Variants in KIAA1217 observed in about 807,000 individuals in gnomAD.
KIAA1217 encodes sickle tail protein homolog.
A neutral mutation model predicts 163.9 loss-of-function variants in KIAA1217; 88 were observed. The ratio of observed to expected loss-of-function variants is 0.54; its 90% CI spans 0.45 to 0.64. The LOEUF is 0.64. Among genes scored for constraint, KIAA1217 ranks in the 30% least tolerant of loss-of-function variants. KIAA1217 has a pLI of 0.00. For synonymous variants in KIAA1217, 903 were observed against 923.1 expected, an observed-to-expected ratio of 0.98 and a Z score of 0.39; for missense variants, 2,372 against 2,475.0, an observed-to-expected ratio of 0.96 and a Z score of 0.88.
At chr10:24,433,305 TTTTTTTGTTTTTTG>T (rs199518984) in intron 4 of KIAA1217, 112 bp downstream of exon 4, 87 of 729,706 alleles carry the variant, frequency 1.2e-4, no homozygotes, top group East Asian at 4.3e-4. Context: ...ATTTAGAGTG[TTTTTTTGTTTTTTG>T]TTTTTTGTTT....
In KIAA1217 at chr10:24,306,593, C is replaced by T. The variant is rs75900944; in HGVS notation, c.355-74276C>T. On this transcript the variant is annotated intron_variant, in intron 2 of 20. Transcript: ENST00000376454. Reference sequence around the variant, plus strand: ...CTTGCGGGCAGCTGTCTTTCTGGAGCGGGAGTTATTCTCTGAAGCCATAGA... The same window carrying T: ...CTTGCGGGCAGCTGTCTTTCTGGAGTGGGAGTTATTCTCTGAAGCCATAGA... Among the ~76,000 whole-genome samples, 1,481 of 152,214 alleles carry T rather than the reference C, an allele frequency of 9.7e-3. 30 individuals are homozygous for T. Among genetic ancestry groups the T allele is most frequent in the East Asian group, 0.082 (424 of 5,174 alleles).
At chr10:24,239,224 G>C in intron 2 of KIAA1217, 1 of 985,328 alleles carries the variant, frequency 1.0e-6, no homozygotes, top group Admixed American at 6.1e-5. Context: ...ATGGAGGGGG[G>C]TTTTACCTGA....
At chr10:24,500,457 G>A (rs1460808534) in intron 8 of KIAA1217, among the ~76,000 whole-genome samples, 1 of 151,694 alleles carries the variant, frequency 6.6e-6, no homozygotes, top group African/African-American at 2.4e-5. Context: ...TCTACTCCAG[G>A]TACCTGTATC....
At chr10:24,301,993 C>T (rs755502998) in intron 2 of KIAA1217, among the ~76,000 whole-genome samples, 2 of 152,188 alleles carry the variant, frequency 1.3e-5, no homozygotes. Flanking sequence ...TGCAGTGAGC[C>T]GAGATCACGC....
chr10:24,034,028 A>AG (rs1848293733), intron 2 of KIAA1217, among the ~76,000 whole-genome samples: 1 of 152,256 alleles, frequency 6.6e-6, no homozygotes, highest in Non-Finnish European at 1.5e-5. Context: ...GCCAGGATGA[A>AG]GTAGGACATT....
intron 6 of KIAA1217, chr10:24,481,565 A>C (rs1390576863): frequency 6.6e-6 from 1 of 152,192 alleles, no homozygotes; most frequent in Admixed American, 6.5e-5. Flanking sequence ...CCTTGAAAAC[A>C]ATGAGGAACG....
At chr10:23,957,767 T>C (rs913542494) in intron 1 of KIAA1217, among the ~76,000 whole-genome samples, 1 of 152,058 alleles carries the variant, frequency 6.6e-6, no homozygotes, top group Non-Finnish European at 1.5e-5. Flanking sequence ...TCCTTTCTCC[T>C]CCCTCCTCCC....
At chr10:23,823,925 GA>G (rs959168675) in intron 1 of KIAA1217, among the ~76,000 whole-genome samples, 11 of 151,840 alleles carry the variant, frequency 7.2e-5, no homozygotes, top group East Asian at 3.9e-4. Flanking sequence ...AGGAAGAAGA[GA>G]GGGGGGGAAA....
At chr10:23,972,888 A>G (rs1469906362) in intron 1 of KIAA1217, among the ~76,000 whole-genome samples, 1 of 152,168 alleles carries the variant, frequency 6.6e-6, no homozygotes. Flanking sequence ...GTTCTCACTC[A>G]TAAGTGGGAG....
Position 24,528,001 on chromosome 10 carries a change from G to A in KIAA1217, c.2964G>A (p.Glu988=), listed in dbSNP as rs2072465195. The A allele has an allele frequency of 2.5e-6, 4 of 1,614,052 alleles. No homozygotes were observed. Among genetic ancestry groups the A allele is most frequent in the Non-Finnish European group, 3.4e-6 (4 of 1,179,958 alleles). Residue 988 remains glutamate, a synonymous_variant, in exon 14 of 21, where the codon GAG becomes GAA. Transcript: ENST00000376454. ...NLDHYNGKEF[E]KLLEEAQANI... is the part of the protein sequence containing the mutation. Reference sequence around the variant, plus strand: ...ATCACTATAATGGGAAAGAGTTTGAGAAGCTCCTAGAAGAAGCTCAGGCCA... The same window carrying A: ...ATCACTATAATGGGAAAGAGTTTGAAAAGCTCCTAGAAGAAGCTCAGGCCA...
At position 24,545,107 on chromosome 10, in the gene KIAA1217, G is replaced by A. The variant is rs1311431699; in HGVS notation, c.5334+4G>A. ...GGATCCCCGCCAATATCGTCAGGTAGTTTTACCTTAAACCCACTTTTGGAT... is the reference window on the plus strand; with the variant it reads ...GGATCCCCGCCAATATCGTCAGGTAATTTTACCTTAAACCCACTTTTGGAT... On this transcript the variant is annotated splice_donor_region_variant and intron_variant, in intron 20 of 20. Coordinates refer to ENST00000376454, the MANE Select transcript of KIAA1217 (RefSeq NM_019590.5). 7.4e-6 allele frequency: 12 copies of A among 1,614,062 alleles called. No individual in the cohort carries two copies. The highest frequency in any genetic ancestry group is 1.0e-5 in the Non-Finnish European group (12 of 1,180,002).
chr10:24,211,024 A>G (rs539390137), intron 1 of KIAA1217, among the ~76,000 whole-genome samples: 1 of 152,256 alleles, frequency 6.6e-6, no homozygotes, highest in East Asian at 1.9e-4. Flanking sequence ...ATTTATGTAA[A>G]GTGCACATTT....
chr10:23,749,121 T>C (rs1333154821), intron 1 of KIAA1217, among the ~76,000 whole-genome samples: 2 of 152,100 alleles, frequency 1.3e-5, no homozygotes, highest in Non-Finnish European at 2.9e-5. Context: ...TGACTTCAAT[T>C]CCTCACCACG....
intron 1 of KIAA1217, among the ~76,000 whole-genome samples, chr10:24,003,278 A>C (rs994083168): frequency 6.6e-6 from 1 of 152,226 alleles, no homozygotes; most frequent in South Asian, 2.1e-4. Flanking sequence ...CACTAGCAGC[A>C]TAAAAGTGTC....
intron 2 of KIAA1217, among the ~76,000 whole-genome samples, chr10:24,037,198 G>A (rs1848429959): frequency 6.6e-6 from 1 of 152,158 alleles, no homozygotes; most frequent in South Asian, 2.1e-4. Flanking sequence ...CAGCCCAGTG[G>A]CTCACGCCTA....
intron 9 of KIAA1217, among the ~76,000 whole-genome samples, chr10:24,511,378 C>T (rs570302605): frequency 2.0e-5 from 3 of 152,176 alleles, no homozygotes; most frequent in East Asian, 1.9e-4. Context: ...CACGGTGGCT[C>T]ATGCCTGTAA....
intron 1 of KIAA1217, among the ~76,000 whole-genome samples, chr10:23,905,745 A>G (rs1178091702): frequency 6.6e-6 from 1 of 152,144 alleles, no homozygotes. Context: ...TAGTATCATT[A>G]CCACCATCCC....
At position 24,035,017 on chromosome 10, in the gene KIAA1217, G is replaced by A. The variant is rs559799989; in HGVS notation, c.-171+27643G>A. On this transcript the variant is annotated intron_variant, in intron 2 of 18. Transcript: ENST00000376462. ...CCCAGGTCACCGCTGTGACTGAACA[G>A]CCAGTCTGTGTTCACACTCAGTGTT... Among the ~76,000 whole-genome samples the A allele has an allele frequency of 4.6e-5, 7 of 152,330 alleles. No homozygotes were observed. In the South Asian group the frequency reaches 1.4e-3, roughly 32 times the overall value.
At chr10:24,133,557 G>A (rs1274694238) in intron 2 of KIAA1217, among the ~76,000 whole-genome samples, 1 of 149,528 alleles carries the variant, frequency 6.7e-6, no homozygotes, top group Non-Finnish European at 1.5e-5. Context: ...GGGCGACAGA[G>A]CGAGACTGTG....
Sources: allele counts gnomAD v4.1 joint callset (sites outside exome capture counted in the v4.1 genomes callset), GRCh38; gene constraint gnomAD v4.1.1; transcripts MANE v1.5; gene names NCBI Gene and HGNC (gene_info 2026-07-23, HGNC 2026-07-21).